The following AGTRAP variants were observed in gnomAD, a reference collection of about 807,000 sequenced individuals.
AGTRAP encodes angiotensin II receptor associated protein, also known as type-1 angiotensin II receptor-associated protein.
AGTRAP carries 7 observed loss-of-function variants against 15.2 expected under a neutral mutation model. That is an observed-to-expected ratio of 0.46 (90% CI 0.26 to 0.87). The LOEUF (loss-of-function observed/expected upper bound fraction) is 0.87, where lower values mean the gene tolerates loss of function less well. Ranked by LOEUF, AGTRAP falls within the 40% of genes least tolerant of loss-of-function variation. The pLI, the probability that AGTRAP is intolerant of heterozygous loss-of-function variation, is 0.15. For missense variants in AGTRAP, 187 were observed against 213.4 expected (o/e 0.88, Z 0.77); for synonymous variants, 74 against 89.6 (o/e 0.83, Z 0.98).
chr1:11,745,377 G>A lies in AGTRAP; in HGVS notation c.28-426G>A, dbSNP rs908828731. On this transcript the variant is annotated intron_variant, in intron 1 of 4. Transcript: ENST00000314340. The surrounding 1 kb of genome is among the most constrained non-coding windows in gnomAD (Gnocchi z 4.2). The stretch of plus-strand genomic sequence containing the variant: ...TTAGCCGGCTTCTTTACTGTAACCC[G>A]TTTTGTCAGCAAGGTCTTTATGACC... Among the ~76,000 whole-genome samples the A allele has an allele frequency of 6.6e-5, 10 of 152,144 alleles. No homozygotes were observed. Among genetic ancestry groups the A allele is most frequent in the Admixed American group, 1.3e-4 (2 of 15,270 alleles).
intron 1 of AGTRAP, among the ~76,000 whole-genome samples, chr1:11,738,042 C>A (rs1570335886): frequency 6.6e-6 from 1 of 152,166 alleles, no homozygotes; most frequent in Non-Finnish European, 1.5e-5. Context: ...ACAAATTATT[C>A]ATGATCTGAT....
At chr1:11,749,192 C>G (rs929379467) in intron 4 of AGTRAP, among the ~76,000 whole-genome samples, 5 of 152,264 alleles carry the variant, frequency 3.3e-5, no homozygotes, top group African/African-American at 1.2e-4. Flanking sequence ...CTCTGAACTC[C>G]TGTACTCCTT....
intron 1 of AGTRAP, among the ~76,000 whole-genome samples, chr1:11,739,282 GGC>G (rs1641970509): frequency 1.3e-5 from 2 of 152,312 alleles, no homozygotes; most frequent in African/African-American, 2.4e-5. Context: ...CAGGCGTGGT[GGC>G]TCACACCTGT....
intron 3 of AGTRAP, among the ~76,000 whole-genome samples, chr1:11,748,042 G>A (rs555575346): frequency 2.0e-5 from 3 of 152,312 alleles, no homozygotes; most frequent in South Asian, 4.1e-4. Flanking sequence ...TCTTCAAGCC[G>A]AGGCCAGGGC....
chr1:11,741,748 G>A (rs1288049528), intron 1 of AGTRAP, among the ~76,000 whole-genome samples: 1 of 152,190 alleles, frequency 6.6e-6, no homozygotes, highest in African/African-American at 2.4e-5. Context: ...TAAGGATTTA[G>A]TGCATTTATA....
chr1:11,747,603 T>C (rs889371602), intron 3 of AGTRAP, 58 bp downstream of exon 3: 16 of 1,553,106 alleles, frequency 1.0e-5, no homozygotes, highest in Non-Finnish European at 1.3e-5. Context: ...GGGCAAGACA[T>C]AGCCTGGCTC....
At chr1:11,738,204 C>T (rs1641945861) in intron 1 of AGTRAP, among the ~76,000 whole-genome samples, 2 of 152,162 alleles carry the variant, frequency 1.3e-5, no homozygotes, top group South Asian at 4.1e-4. Flanking sequence ...GTGGCCTGCA[C>T]TCCCTCCCCA....
At position 11,750,390 on chromosome 1, in the gene AGTRAP, C is replaced by T. The variant is rs757751071; in HGVS notation, c.*198C>T. 5 of 634,094 alleles carry T rather than the reference C, an allele frequency of 7.9e-6. No homozygotes were observed. Among genetic ancestry groups the T allele is most frequent in the Non-Finnish European group, 1.4e-5 (5 of 351,422 alleles). 39.3% of individuals were successfully genotyped at this position (634,094 alleles called of 1,614,324 possible). ...ACTCCTGTCCCGAACTCCCTGAGGC[C>T]TCCCCTCCCTTCAGGGCACCCACTG... is the stretch of plus-strand genomic sequence containing the variant. On this transcript the variant is annotated 3_prime_UTR_variant, in exon 5 of 5. Transcript: ENST00000314340.
chr1:11,748,421 G>T lies in AGTRAP; in HGVS notation c.175G>T (p.Gly59Cys), dbSNP rs777500651. The change falls in exon 4 of 5, where the codon GGT (glycine) becomes TGT (cysteine). Residue 59 changes from glycine to cysteine, a missense_variant. Physicochemically the swap from Gly to Cys is radical, Grantham distance 159 (BLOSUM62 -3). Transcript: ENST00000314340. The part of the protein sequence containing the change: ...DSIDAISMFL[G>C]GLLATIFLDI... ...AGTGTGGTGTGTCTTGCAGTTTCTGGGTGGCTTGCTGGCCACCATCTTCCT... is the reference window on the plus strand; with the variant it reads ...AGTGTGGTGTGTCTTGCAGTTTCTGTGTGGCTTGCTGGCCACCATCTTCCT... 4 of 1,613,362 alleles carry T rather than the reference G, an allele frequency of 2.5e-6. No individual in the cohort carries two copies. The highest frequency in any genetic ancestry group is 3.3e-5 in the Admixed American group (2 of 60,014).
At chr1:11,749,670 C>T (rs1421104855) in intron 4 of AGTRAP, among the ~76,000 whole-genome samples, 5 of 152,194 alleles carry the variant, frequency 3.3e-5, no homozygotes, top group Non-Finnish European at 4.4e-5. Flanking sequence ...TGCGTGGGCC[C>T]GGGGCTGATG....
intron 1 of AGTRAP, among the ~76,000 whole-genome samples, chr1:11,744,294 G>A (rs1314440380): frequency 6.6e-6 from 1 of 152,100 alleles, no homozygotes; most frequent in Non-Finnish European, 1.5e-5. Flanking sequence ...AAAGAAAAAA[G>A]TAGAATATTG....
At chr1:11,748,008 G>T (rs1205031923) in intron 3 of AGTRAP, among the ~76,000 whole-genome samples, 2 of 152,132 alleles carry the variant, frequency 1.3e-5, no homozygotes. Context: ...AGCCCCGTGG[G>T]GCAGTGAGCA....
chr1:11,750,371 G>A lies in AGTRAP; in HGVS notation c.*179G>A. ...GCCGCCCAGTACCATGCACACTCCT[G>A]TCCCGAACTCCCTGAGGCCTCCCCT... On this transcript the variant is annotated 3_prime_UTR_variant, in exon 5 of 5. Transcript: ENST00000314340. The A allele has an allele frequency of 1.5e-6, 1 of 663,522 alleles. No homozygotes were observed. The allele number at this position is 663,522 out of a possible 1,614,324, so 41.1% of individuals were successfully genotyped here. A position where few individuals can be genotyped will look rare whatever the true frequency, so the allele number is the denominator to read the frequency against.
At chr1:11,748,752 C>T in intron 4 of AGTRAP, 142 bp downstream of exon 4, 1 of 982,718 alleles carries the variant, frequency 1.0e-6, no homozygotes, top group East Asian at 2.6e-5. Flanking sequence ...GCGCTCTGTA[C>T]TAGGCTGGAC....
chr1:11,737,385 A>G (rs940988442), intron 1 of AGTRAP, among the ~76,000 whole-genome samples: 1 of 152,226 alleles, frequency 6.6e-6, no homozygotes, highest in African/African-American at 2.4e-5. Context: ...ATGTGGGGTT[A>G]ACACCAACTG....
chr1:11,739,290 C>G (rs565422723), intron 1 of AGTRAP, among the ~76,000 whole-genome samples: 3 of 152,304 alleles, frequency 2.0e-5, no homozygotes, highest in African/African-American at 7.2e-5. Context: ...GTGGCTCACA[C>G]CTGTAATCCT....
chr1:11,745,878 T>C lies in AGTRAP; in HGVS notation c.62+41T>C, dbSNP rs529905563. ...GGTATCTTGTGTGTCTCCTGCGGTC[T>C]CAGGGTCTGTGTCAGCCGGGTCAGG... On this transcript the variant is annotated intron_variant, in intron 2 of 4. Transcript: ENST00000314340. This position sits in a 1 kb window ranked among gnomAD's most constrained non-coding sequence, Gnocchi z 4.2. 1 of 1,613,072 alleles carries C rather than the reference T, an allele frequency of 6.2e-7. No homozygotes were observed. Among genetic ancestry groups the C allele is most frequent in the African/African-American group, 1.3e-5 (1 of 75,004 alleles).
chr1:11,740,723 G>A (rs1356922609), intron 1 of AGTRAP, among the ~76,000 whole-genome samples: 2 of 152,198 alleles, frequency 1.3e-5, no homozygotes, highest in Non-Finnish European at 2.9e-5. Flanking sequence ...GCTCTGCAGG[G>A]CCCATTTATT....
At chr1:11,743,754 C>A (rs923220142) in intron 1 of AGTRAP, among the ~76,000 whole-genome samples, 1 of 151,812 alleles carries the variant, frequency 6.6e-6, no homozygotes, top group Non-Finnish European at 1.5e-5. Flanking sequence ...TTAGTAGAAA[C>A]GGGGTTTCTC....
Sources: allele counts gnomAD v4.1 joint callset (sites outside exome capture counted in the v4.1 genomes callset), GRCh38; gene constraint gnomAD v4.1.1; non-coding constraint Gnocchi (gnomAD v3.1); transcripts MANE v1.5; gene names NCBI Gene and HGNC (gene_info 2026-07-23, HGNC 2026-07-21).